The following OXCT1 variants were observed in gnomAD, a reference collection of about 807,000 sequenced individuals.
OXCT1 encodes 3-oxoacid CoA-transferase 1.
OXCT1 carries 27 observed loss-of-function variants against 69.6 expected under a neutral mutation model. The observed-to-expected ratio is 0.39, with a 90% CI of 0.29 to 0.54. The LOEUF (loss-of-function observed/expected upper bound fraction) is 0.54, where lower values mean the gene tolerates loss of function less well. Ranked by LOEUF, OXCT1 falls within the 20% of genes least tolerant of loss-of-function variation. The probability of loss-of-function intolerance (pLI) is 0.72; values close to 1 mark genes in which losing one functional copy is unlikely to be tolerated. For synonymous variants in OXCT1, 202 were observed against 217.8 expected, an observed-to-expected ratio of 0.93 and a Z score of 0.64; for missense variants, 437 against 650.2, an observed-to-expected ratio of 0.67 and a Z score of 3.57.
At chr5:41,842,922 A>G (rs1748708531) in intron 5 of OXCT1, 141 bp from the exon 6 acceptor site, 1 of 733,436 alleles carries the variant, frequency 1.4e-6, no homozygotes, top group African/African-American at 1.7e-5. Context: ...AGAGACTTCA[A>G]AGATAAGCAG....
chr5:41,749,285 T>G (rs1278756012), intron 15 of OXCT1, among the ~76,000 whole-genome samples: 3 of 152,100 alleles, frequency 2.0e-5, no homozygotes, highest in Non-Finnish European at 2.9e-5. Context: ...AACTTTTCTC[T>G]GATTATAGCA....
intron 13 of OXCT1, among the ~76,000 whole-genome samples, chr5:41,788,809 C>A (rs547670000): frequency 6.6e-6 from 1 of 152,222 alleles, no homozygotes. Flanking sequence ...GAACACTGTA[C>A]CCAACAAGAG....
At chr5:41,770,043 AGCCACCAC>A (rs1744810954) in intron 13 of OXCT1, among the ~76,000 whole-genome samples, 2 of 152,218 alleles carry the variant, frequency 1.3e-5, no homozygotes, top group Non-Finnish European at 2.9e-5. Flanking sequence ...TACAGGCGTG[AGCCACCAC>A]GCCCAGCCCT....
chr5:41,743,491 C>G (rs1743299163), intron 15 of OXCT1, among the ~76,000 whole-genome samples: 1 of 152,108 alleles, frequency 6.6e-6, no homozygotes, highest in Non-Finnish European at 1.5e-5. Flanking sequence ...TAATTAGATC[C>G]CATTTGTCAA....
At chr5:41,775,586 G>A (rs1745083210) in intron 13 of OXCT1, among the ~76,000 whole-genome samples, 1 of 152,108 alleles carries the variant, frequency 6.6e-6, no homozygotes, top group African/African-American at 2.4e-5. Context: ...ACATAGGCAT[G>A]ATTAAGTCAT....
intron 7 of OXCT1, among the ~76,000 whole-genome samples, chr5:41,808,780 A>T (rs1746812093): frequency 6.6e-6 from 1 of 152,072 alleles, no homozygotes; most frequent in Non-Finnish European, 1.5e-5. Context: ...GGGAATGCAG[A>T]GCAGCTAAGC....
At chr5:41,812,400 T>G (rs1269230030) in intron 7 of OXCT1, among the ~76,000 whole-genome samples, 4 of 151,974 alleles carry the variant, frequency 2.6e-5, no homozygotes, top group African/African-American at 4.8e-5. Context: ...AAGGGTTATA[T>G]TGATGAGGAA....
chr5:41,822,666 G>A lies in OXCT1; in HGVS notation c.733-15228C>T, dbSNP rs139578947. Among the ~76,000 whole-genome samples the A allele has an allele frequency of 6.0e-3, 909 of 152,118 alleles. 11 individuals carry two copies. The highest frequency in any genetic ancestry group is 0.021 in the African/African-American group (861 of 41,486). ...TTTTTGTATTTTTAGTAGAGACGGC[G>A]TTTCACCATGTTCATCAGGCTGCTC... On this transcript the variant is annotated intron_variant, in intron 7 of 16. Coordinates refer to ENST00000196371, the MANE Select transcript of OXCT1 (RefSeq NM_000436.4).
At chr5:41,758,517 G>A (rs1339743820) in intron 14 of OXCT1, among the ~76,000 whole-genome samples, 1 of 151,316 alleles carries the variant, frequency 6.6e-6, no homozygotes, top group East Asian at 1.9e-4. Flanking sequence ...GGAAGGAATG[G>A]GGAATCTATC....
chr5:41,856,581 T>C (rs1425481541), intron 3 of OXCT1, among the ~76,000 whole-genome samples: 1 of 152,116 alleles, frequency 6.6e-6, no homozygotes, highest in East Asian at 1.9e-4. Flanking sequence ...CCCCCGGCAC[T>C]CCTGACACAA....
intron 11 of OXCT1, among the ~76,000 whole-genome samples, chr5:41,795,446 G>C (rs1205431739): frequency 6.6e-6 from 1 of 152,054 alleles, no homozygotes; most frequent in Non-Finnish European, 1.5e-5. Context: ...ATACTACTTA[G>C]GAATGAGGAG....
chr5:41,853,721 T>C (rs1209178278), intron 3 of OXCT1, 167 bp from the exon 4 acceptor site: 6 of 752,584 alleles, frequency 8.0e-6, no homozygotes, highest in Non-Finnish European at 1.4e-5. Context: ...GCAAGGTAGC[T>C]ATCCTTTTAT....
chr5:41,768,705 TC>T (rs533061697), intron 13 of OXCT1, among the ~76,000 whole-genome samples: 16 of 152,160 alleles, frequency 1.1e-4, no homozygotes, highest in Non-Finnish European at 1.9e-4. Context: ...CCATGATTTC[TC>T]CCTAAAGAGT....
At chr5:41,774,413 A>T (rs1378201293) in intron 13 of OXCT1, among the ~76,000 whole-genome samples, 1 of 152,240 alleles carries the variant, frequency 6.6e-6, no homozygotes, top group Non-Finnish European at 1.5e-5. Context: ...TCGTTCTCTT[A>T]TTAGAGAATT....
chr5:41,794,270 T>C, intron 12 of OXCT1, 192 bp from the exon 13 acceptor site: 1 of 632,060 alleles, frequency 1.6e-6, no homozygotes, highest in Non-Finnish European at 2.8e-6. Flanking sequence ...GAAAAAAAAG[T>C]TACAGTATAC....
At chr5:41,834,487 C>CAAAAAAAAAAAAAAAA (rs1209653207) in intron 7 of OXCT1, among the ~76,000 whole-genome samples, 1 of 75,110 alleles carries the variant, frequency 1.3e-5, no homozygotes, top group Non-Finnish European at 2.8e-5. Flanking sequence ...TGGAAACCCA[C>CAAAAAAAAAAAAAAAA]AAAAAAAAAA....
intron 5 of OXCT1, among the ~76,000 whole-genome samples, chr5:41,848,184 C>T (rs563624281): frequency 1.4e-4 from 22 of 151,964 alleles, no homozygotes; most frequent in African/African-American, 4.1e-4. Context: ...TTCACAATTG[C>T]TTCAAAGAGA....
rs1027265638 is a variant in OXCT1 at position 41,861,332 on chromosome 5, G to A, written c.260C>T (p.Ala87Val). ...CACTTACCCTGCATTGTTGCTGACT[G>A]CAGTTAGTCCTTTTACTCCAGTTTT... Reference protein sequence around the residue: ...LLKTGVKGLTAVSNNAGVDNF... With the variant: ...LLKTGVKGLTVVSNNAGVDNF... The change falls in exon 3 of 17, where the codon GCA (alanine) becomes GTA (valine). Residue 87 changes from alanine (A) to valine (V), a missense_variant. Physicochemically the swap from Ala to Val is moderately conservative, Grantham distance 64. This residue lies in a region of OXCT1 where 252 missense variants were observed against 397.4 expected (regional missense o/e 0.63). Coordinates refer to ENST00000196371, the MANE Select transcript of OXCT1 (RefSeq NM_000436.4). The A allele has an allele frequency of 3.4e-5, 55 of 1,605,470 alleles. No individual in the cohort carries two copies. Among genetic ancestry groups the A allele is most frequent in the Admixed American group, 5.0e-5 (3 of 59,986 alleles).
chr5:41,849,214 G>C (rs1749067309), intron 5 of OXCT1, among the ~76,000 whole-genome samples: 1 of 152,126 alleles, frequency 6.6e-6, no homozygotes, highest in Admixed American at 6.6e-5. Context: ...CCTAGGAATG[G>C]GAGGGGCACA....
Sources: gnomAD v4.1 joint callset for allele counts (sites outside exome capture counted in the v4.1 genomes callset) on GRCh38, gnomAD v4.1.1 for gene constraint, gnomAD v4.1.1 regional missense constraint, MANE v1.5 for transcripts, NCBI Gene and HGNC (gene_info 2026-07-23, HGNC 2026-07-21) for gene names.